CCDC90B: variants seen among roughly 807,000 people sequenced by gnomAD.
CCDC90B encodes coiled-coil domain-containing protein 90B, mitochondrial.
In CCDC90B, 24 loss-of-function variants were observed where a neutral mutation model predicts 37.0. The observed-to-expected ratio is 0.65, with a 90% CI of 0.47 to 0.91. The LOEUF is 0.91. Ranked by LOEUF, CCDC90B falls within the 40% of genes least tolerant of loss-of-function variation. The pLI is 0.00. For synonymous variants in CCDC90B, 113 were observed against 101.1 expected, an observed-to-expected ratio of 1.12 and a Z score of -0.71; for missense variants, 319 against 299.0, an observed-to-expected ratio of 1.07 and a Z score of -0.49.
intron 1 of CCDC90B, among the ~76,000 whole-genome samples, chr11:83,281,669 A>G (rs957709586): frequency 1.3e-5 from 2 of 152,146 alleles, no homozygotes; most frequent in African/African-American, 4.8e-5. Flanking sequence ...AGAAAAAGAA[A>G]AATTAGAGGA....
chr11:83,272,490 C>G (rs1268463497), intron 7 of CCDC90B, among the ~76,000 whole-genome samples: 2 of 150,716 alleles, frequency 1.3e-5, no homozygotes, highest in Admixed American at 6.6e-5. Context: ...ATATATTCTG[C>G]AAATGGAAAA....
At chr11:83,269,610 G>A (rs1221608869) in intron 7 of CCDC90B, among the ~76,000 whole-genome samples, 1 of 152,168 alleles carries the variant, frequency 6.6e-6, no homozygotes, top group African/African-American at 2.4e-5. Context: ...AAACCAGGAA[G>A]AAGTTGAATC....
At chr11:83,271,580 A>G (rs563389139) in intron 7 of CCDC90B, among the ~76,000 whole-genome samples, 7 of 152,358 alleles carry the variant, frequency 4.6e-5, no homozygotes, top group African/African-American at 1.7e-4. Flanking sequence ...ATCTCACACC[A>G]GTTGGAATGG....
chr11:83,269,003 A>C lies in CCDC90B; in HGVS notation c.595-3024T>G, dbSNP rs549712679. Among the ~76,000 whole-genome samples, 34 of 152,266 alleles carry C rather than the reference A, an allele frequency of 2.2e-4. 2 individuals are homozygous for C. In the East Asian group the frequency reaches 4.1e-3, roughly 18 times the overall value. On this transcript the variant is annotated intron_variant, in intron 7 of 8. Transcript: ENST00000529689. Reference sequence around the variant, plus strand: ...CTACATGGAAACTGAACAACCTGCTACTGAATGACTACTGGGTACATAACG... The same window carrying C: ...CTACATGGAAACTGAACAACCTGCTCCTGAATGACTACTGGGTACATAACG...
intron 2 of CCDC90B, among the ~76,000 whole-genome samples, chr11:83,279,304 C>CA (rs1865243133): frequency 6.6e-6 from 1 of 151,204 alleles, no homozygotes; most frequent in African/African-American, 2.4e-5. Flanking sequence ...AAAAAACAAA[C>CA]AAAAAAACAA....
chr11:83,281,386 T>G (rs1865372616), intron 1 of CCDC90B, among the ~76,000 whole-genome samples: 1 of 152,202 alleles, frequency 6.6e-6, no homozygotes, highest in Non-Finnish European at 1.5e-5. Flanking sequence ...ATATTCTCAC[T>G]GATTTTATGG....
intron 7 of CCDC90B, among the ~76,000 whole-genome samples, chr11:83,270,276 C>T (rs1298605425): frequency 6.6e-6 from 1 of 152,168 alleles, no homozygotes; most frequent in East Asian, 1.9e-4. Context: ...ATCACTCCCA[C>T]TCAACATAGT....
At chr11:83,279,150 G>A (rs564997924) in intron 2 of CCDC90B, among the ~76,000 whole-genome samples, 16 of 152,066 alleles carry the variant, frequency 1.1e-4, no homozygotes, top group Admixed American at 7.2e-4. Flanking sequence ...GCGTGGTGGC[G>A]GGCGCCCGTA....
intron 1 of CCDC90B, among the ~76,000 whole-genome samples, chr11:83,281,593 T>C (rs1184871642): frequency 6.6e-6 from 1 of 152,162 alleles, no homozygotes; most frequent in Non-Finnish European, 1.5e-5. Context: ...TCTTTTTCAC[T>C]TGAATGTCAT....
At chr11:83,274,014 T>C in intron 4 of CCDC90B, 22 bp from the exon 5 acceptor site, 1 of 1,515,086 alleles carries the variant, frequency 6.6e-7, no homozygotes, top group Non-Finnish European at 8.8e-7. Context: ...AAAGATCACA[T>C]GCAATTAGCA....
chr11:83,269,554 T>C (rs989573755), intron 7 of CCDC90B, among the ~76,000 whole-genome samples: 17 of 152,160 alleles, frequency 1.1e-4, no homozygotes, highest in Non-Finnish European at 2.2e-4. Context: ...CTAGAAAATC[T>C]AGAATAAATG....
At chr11:83,262,885 A>G (rs896572241) in intron 8 of CCDC90B, among the ~76,000 whole-genome samples, 1 of 152,178 alleles carries the variant, frequency 6.6e-6, no homozygotes, top group Non-Finnish European at 1.5e-5. Flanking sequence ...GGGCAATTAT[A>G]TATTCTCCCA....
At chr11:83,284,975 A>G (rs746470911) in intron 1 of CCDC90B, among the ~76,000 whole-genome samples, 3 of 152,240 alleles carry the variant, frequency 2.0e-5, no homozygotes, top group South Asian at 2.1e-4. Context: ...GCTAAACAGC[A>G]ATCTCACAGA....
chr11:83,270,542 T>C (rs1248645383), intron 7 of CCDC90B, among the ~76,000 whole-genome samples: 2 of 152,164 alleles, frequency 1.3e-5, no homozygotes, highest in African/African-American at 4.8e-5. Flanking sequence ...TGAACTCCCA[T>C]TCACAATTGC....
At chr11:83,267,639 T>G (rs11825810) in intron 7 of CCDC90B, among the ~76,000 whole-genome samples, 1 of 152,150 alleles carries the variant, frequency 6.6e-6, no homozygotes, top group Non-Finnish European at 1.5e-5. Flanking sequence ...CTACGTTTGA[T>G]TGGTGTACCT....
At chr11:83,268,773 A>T (rs1365932676) in intron 7 of CCDC90B, among the ~76,000 whole-genome samples, 1 of 152,226 alleles carries the variant, frequency 6.6e-6, no homozygotes, top group African/African-American at 2.4e-5. Flanking sequence ...AGACATCTAC[A>T]GAACTCTCCA....
At chr11:83,264,703 C>G (rs1367744486) in intron 8 of CCDC90B, among the ~76,000 whole-genome samples, 1 of 151,906 alleles carries the variant, frequency 6.6e-6, no homozygotes, top group Non-Finnish European at 1.5e-5. Flanking sequence ...TTGTTGGAAC[C>G]AACCCAAATG....
chr11:83,285,873 C>T lies in CCDC90B; in HGVS notation c.100G>A (p.Glu34Lys). 2 of 1,611,568 alleles carry T rather than the reference C, an allele frequency of 1.2e-6. No homozygotes were observed. Among genetic ancestry groups the T allele is most frequent in the Non-Finnish European group, 1.7e-6 (2 of 1,179,506 alleles). ...TCTATGACACGACGCCTTGCCTCACCTCTCCGCAGGGCCGGCGAGAAATGC... is the reference window on the plus strand; with the variant it reads ...TCTATGACACGACGCCTTGCCTCACTTCTCCGCAGGGCCGGCGAGAAATGC... Reference protein sequence around the residue: ...RGHFSPALRREFFTTTTKEGY... With the variant: ...RGHFSPALRRKFFTTTTKEGY... Residue 34 changes from glutamate (E) to lysine (K), a missense_variant and splice_region_variant, in exon 1 of 9, where the codon GAG (glutamate) becomes AAG (lysine). Coordinates refer to ENST00000529689, the MANE Select transcript of CCDC90B (RefSeq NM_021825.5).
chr11:83,286,053 C>A lies in CCDC90B; in HGVS notation c.-81G>T. On this transcript the variant is annotated 5_prime_UTR_variant, in exon 1 of 9. Transcript: ENST00000529689. ...GCTTTCGGGCAAGGTAGTTCTGGCACCACAGGAATGCTGGGAATTGTAGTT... is the reference window on the plus strand; with the variant it reads ...GCTTTCGGGCAAGGTAGTTCTGGCAACACAGGAATGCTGGGAATTGTAGTT... 1 of 1,546,538 alleles carries A rather than the reference C, an allele frequency of 6.5e-7. No individual in the cohort carries two copies. The highest frequency in any genetic ancestry group is 8.7e-7 in the Non-Finnish European group (1 of 1,148,224).
Sources: gnomAD v4.1 joint callset for allele counts (sites outside exome capture counted in the v4.1 genomes callset) on GRCh38, gnomAD v4.1.1 for gene constraint, MANE v1.5 for transcripts, NCBI Gene and HGNC (gene_info 2026-07-23, HGNC 2026-07-21) for gene names.